The following ZNF569 variants were observed in gnomAD, a reference collection of about 807,000 sequenced individuals.
ZNF569 encodes the protein DNA-binding protein.
A neutral mutation model predicts 56.3 loss-of-function variants in ZNF569; 38 were observed. That is an observed-to-expected ratio of 0.68 (90% confidence interval 0.52 to 0.88). The LOEUF is 0.88. ZNF569 is among the 40% of genes least tolerant of loss of function. ZNF569 has a pLI of 0.00. For synonymous variants in ZNF569, 241 were observed against 262.9 expected (o/e 0.92, Z 0.81); for missense variants, 666 against 809.2 (o/e 0.82, Z 2.15).
chr19:37,460,435 G>A (rs1018626406), intron 2 of ZNF569, among the ~76,000 whole-genome samples: 32 of 152,026 alleles, frequency 2.1e-4, no homozygotes, highest in African/African-American at 6.8e-4. Flanking sequence ...GAGCCACCAC[G>A]CCTGGCCAAT....
intron 3 of ZNF569, among the ~76,000 whole-genome samples, chr19:37,435,423 C>A (rs1434292378): frequency 6.6e-6 from 1 of 152,012 alleles, no homozygotes; most frequent in Non-Finnish European, 1.5e-5. Flanking sequence ...AAAAGAAGAC[C>A]ACAAAACAAC....
chr19:37,452,589 T>C (rs1014588435), intron 2 of ZNF569, among the ~76,000 whole-genome samples: 2 of 152,172 alleles, frequency 1.3e-5, no homozygotes, highest in African/African-American at 4.8e-5. Context: ...TTTTTTGTTA[T>C]TGTTGTTTGT....
Position 37,425,875 on chromosome 19 carries a change from G to A in ZNF569, c.231C>T (p.His77=), listed in dbSNP as rs369850686. 6.2e-7 allele frequency: 1 copy of A among 1,613,508 alleles called. No individual in the cohort carries two copies. The highest frequency in any genetic ancestry group is 1.7e-5 in the Admixed American group (1 of 59,982). The stretch of plus-strand genomic sequence containing the variant: ...TGGTTCCCTTCCACTAACCTTGCCA[G>A]TGTCTCCTTAATACTTCTTCCTCCA... ...WVMEEEVLRR[H]WQGEIWGVDE... is the part of the protein sequence containing the mutation. Residue 77 remains histidine, a synonymous_variant, in exon 5 of 6, where the codon CAC becomes CAT. Coordinates refer to ENST00000316950, the MANE Select transcript of ZNF569 (RefSeq NM_152484.3).
At chr19:37,440,015 A>G (rs1243434923) in intron 3 of ZNF569, among the ~76,000 whole-genome samples, 4 of 152,194 alleles carry the variant, frequency 2.6e-5, no homozygotes, top group Non-Finnish European at 2.9e-5. Context: ...AGTCAACAAT[A>G]ATTTGTACAT....
At chr19:37,468,672 A>AT (rs1016219066), upstream of ZNF569, among the ~76,000 whole-genome samples, 1 of 151,800 alleles carries the variant, frequency 6.6e-6, no homozygotes, top group Admixed American at 6.6e-5. Context: ...CGCCCGGCTA[A>AT]TTTTTTTGTA....
rs534649104 is a variant in ZNF569 at position 37,446,951 on chromosome 19, T to C, written c.-43-1987A>G. On this transcript the variant is annotated intron_variant, in intron 2 of 5. Transcript: ENST00000316950. ...ATCAAAAAGTGGGCTAGGACATGAA[T>C]AGACAATTCTCGAAAGAAGATATAC... is the stretch of plus-strand genomic sequence containing the variant. 4.6e-5 allele frequency among the ~76,000 whole-genome samples: 7 copies of C among 152,148 alleles called. 1 individual carries two copies. Among genetic ancestry groups the C allele is most frequent in the South Asian group, 2.1e-4 (1 of 4,828 alleles).
chr19:37,416,622 T>C (rs1442695384), intron 5 of ZNF569, among the ~76,000 whole-genome samples: 1 of 152,236 alleles, frequency 6.6e-6, no homozygotes, highest in Admixed American at 6.5e-5. Context: ...TAAATCATTG[T>C]TATACTATAA....
intron 5 of ZNF569, among the ~76,000 whole-genome samples, chr19:37,419,103 GTGTC>G (rs1374697313): frequency 1.3e-5 from 2 of 152,096 alleles, no homozygotes; most frequent in African/African-American, 4.8e-5. Context: ...GTCTTGAAAA[GTGTC>G]TGTTCATGTC....
intron 2 of ZNF569, among the ~76,000 whole-genome samples, chr19:37,458,999 G>T (rs1205214592): frequency 2.0e-5 from 3 of 151,966 alleles, no homozygotes; most frequent in African/African-American, 7.2e-5. Flanking sequence ...AGAGGAAAAA[G>T]AATGAAAAAC....
chr19:37,418,314 T>C lies in ZNF569; in HGVS notation c.239-3895A>G, dbSNP rs115132254. ...TAGGTTAATTGTATAGGGGCAAATA[T>C]AGTGACCATAGGGAAAAGAAATAGT... On this transcript the variant is annotated intron_variant, in intron 5 of 5. Coordinates refer to ENST00000316950, the MANE Select transcript of ZNF569 (RefSeq NM_152484.3). 2.6e-3 allele frequency among the ~76,000 whole-genome samples: 394 copies of C among 151,932 alleles called. 1 individual carries two copies. The highest frequency in any genetic ancestry group is 9.2e-3 in the African/African-American group (382 of 41,440).
intron 2 of ZNF569, among the ~76,000 whole-genome samples, chr19:37,452,727 C>T (rs1020419161): frequency 1.1e-4 from 16 of 152,072 alleles, no homozygotes; most frequent in Non-Finnish European, 4.4e-5. Flanking sequence ...AGTTGCTTTT[C>T]TCTTGCTGCT....
upstream of ZNF569, chr19:37,467,648 C>A: frequency 1.7e-6 from 1 of 592,266 alleles, no homozygotes; most frequent in Non-Finnish European, 3.0e-6. Flanking sequence ...AGCTCCAGGG[C>A]CAGTGAAGGC....
At chr19:37,415,692 A>T (rs1420699131) in intron 5 of ZNF569, among the ~76,000 whole-genome samples, 6 of 149,696 alleles carry the variant, frequency 4.0e-5, no homozygotes, top group Non-Finnish European at 8.9e-5. Flanking sequence ...AACACAGTGA[A>T]ACCCCATCTC....
intron 2 of ZNF569, among the ~76,000 whole-genome samples, chr19:37,459,136 A>T (rs1258135247): frequency 6.6e-6 from 1 of 152,174 alleles, no homozygotes; most frequent in East Asian, 1.9e-4. Flanking sequence ...AACACAGATG[A>T]AATATTGTAA....
intron 2 of ZNF569, among the ~76,000 whole-genome samples, chr19:37,464,355 A>C (rs1410804993): frequency 3.9e-5 from 6 of 151,944 alleles, no homozygotes; most frequent in African/African-American, 1.5e-4. Context: ...ACGCCTGGCT[A>C]ATTTTTTGTA....
intron 5 of ZNF569, among the ~76,000 whole-genome samples, chr19:37,423,308 G>A (rs1435502177): frequency 6.6e-6 from 1 of 152,136 alleles, no homozygotes; most frequent in Non-Finnish European, 1.5e-5. Flanking sequence ...TAGTTCAACA[G>A]GTAACATCTA....
At chr19:37,468,664 C>T (rs1004759340), upstream of ZNF569, among the ~76,000 whole-genome samples, 2 of 152,174 alleles carry the variant, frequency 1.3e-5, no homozygotes, top group African/African-American at 4.8e-5. Context: ...TGCCACCACG[C>T]CCGGCTAATT....
chr19:37,435,965 C>T (rs578071588), intron 3 of ZNF569, among the ~76,000 whole-genome samples: 1 of 152,268 alleles, frequency 6.6e-6, no homozygotes, highest in East Asian at 1.9e-4. Flanking sequence ...AAAGAACTAT[C>T]AGACTTAATC....
At chr19:37,462,781 C>A (rs1277736449) in intron 2 of ZNF569, among the ~76,000 whole-genome samples, 1 of 152,150 alleles carries the variant, frequency 6.6e-6, no homozygotes, top group Non-Finnish European at 1.5e-5. Context: ...TCTATCTATC[C>A]TACCCTCTAA....
Sources: allele counts gnomAD v4.1 joint callset (sites outside exome capture counted in the v4.1 genomes callset), GRCh38; gene constraint gnomAD v4.1.1; transcripts MANE v1.5; gene names NCBI Gene and HGNC (gene_info 2026-07-23, HGNC 2026-07-21).